Variants in IL1RL2 observed in about 807,000 individuals in gnomAD.
The protein encoded by IL1RL2 is interleukin 1 receptor like 2.
A neutral mutation model predicts 66.8 loss-of-function variants in IL1RL2; 68 were observed. The observed-to-expected ratio is 1.02, with a 90% CI of 0.84 to 1.25. The LOEUF is 1.25. Ranked by LOEUF, IL1RL2 falls within the 50% of genes most tolerant of loss-of-function variation. The probability of loss-of-function intolerance (pLI) is 0.00; values close to 1 mark genes in which losing one functional copy is unlikely to be tolerated. For synonymous variants in IL1RL2, 305 were observed against 264.6 expected, an observed-to-expected ratio of 1.15 and a Z score of -1.48; for missense variants, 729 against 709.3, an observed-to-expected ratio of 1.03 and a Z score of -0.32.
intron 5 of IL1RL2, among the ~76,000 whole-genome samples, chr2:102,206,282 C>G (rs1255906955): frequency 6.6e-6 from 1 of 152,064 alleles, no homozygotes; most frequent in African/African-American, 2.4e-5. Context: ...GTCATGTTTT[C>G]CTGGATGGTG....
At chr2:102,198,308 G>A (rs1037846193) in intron 4 of IL1RL2, among the ~76,000 whole-genome samples, 2 of 152,182 alleles carry the variant, frequency 1.3e-5, no homozygotes, top group African/African-American at 2.4e-5. Flanking sequence ...CCTGGCTTAC[G>A]TCTGGGAGAA....
chr2:102,205,427 C>G (rs932453217), intron 5 of IL1RL2, among the ~76,000 whole-genome samples: 1 of 152,274 alleles, frequency 6.6e-6, no homozygotes, highest in South Asian at 2.1e-4. Flanking sequence ...TTTAACATTT[C>G]TTGTAGGACA....
At position 102,191,958 on chromosome 2, in the gene IL1RL2, CCTAA is replaced by C; in HGVS notation, c.330_333del (p.Thr111PhefsTer11). 1.2e-6 allele frequency: 2 copies of C among 1,612,602 alleles called. No individual in the cohort carries two copies. Among genetic ancestry groups the C allele is most frequent in the Non-Finnish European group, 1.7e-6 (2 of 1,179,340 alleles). On this transcript the variant is annotated frameshift_variant, in exon 4 of 12. Coordinates refer to ENST00000264257, the MANE Select transcript of IL1RL2 (RefSeq NM_003854.4). LOFTEE classifies it high-confidence loss of function. ...ACAGCTGTCATAGAATACATGTAAA[CCTAA>C]CTGTTTTTGAAAAACATTGGTGTGA...
chr2:102,202,767 A>G (rs1688374866), intron 5 of IL1RL2, among the ~76,000 whole-genome samples: 1 of 152,290 alleles, frequency 6.6e-6, no homozygotes, highest in Non-Finnish European at 1.5e-5. Flanking sequence ...TATTAGTTCT[A>G]ATAGTTTTCT....
intron 5 of IL1RL2, among the ~76,000 whole-genome samples, chr2:102,207,710 GGGT>G (rs1006774631): frequency 6.6e-6 from 1 of 152,070 alleles, no homozygotes; most frequent in Non-Finnish European, 1.5e-5. Context: ...TGATAAAGAG[GGGT>G]GATGCCCACA....
chr2:102,186,993 A>G (rs1051404770), upstream of IL1RL2: 10 of 1,288,412 alleles, frequency 7.8e-6, no homozygotes, highest in Admixed American at 1.4e-4. Flanking sequence ...GTGGCGGGGA[A>G]ATACCTAGGC....
At chr2:102,202,003 T>C (rs1688299801) in intron 5 of IL1RL2, among the ~76,000 whole-genome samples, 1 of 152,214 alleles carries the variant, frequency 6.6e-6, no homozygotes, top group Non-Finnish European at 1.5e-5. Flanking sequence ...CTGGGGTACC[T>C]GATGAAACAC....
At chr2:102,215,034 T>C (rs545676198) in intron 6 of IL1RL2, among the ~76,000 whole-genome samples, 15 of 144,506 alleles carry the variant, frequency 1.0e-4, no homozygotes, top group East Asian at 9.7e-4. Context: ...CAAGATTGAC[T>C]TGGAGCCAAG....
rs1687262635 is a variant in IL1RL2, at chr2:102,191,925, G to C, written c.294G>C (p.Lys98Asn). The C allele has an allele frequency of 6.3e-7, 1 of 1,591,930 alleles. No homozygotes were observed. Among genetic ancestry groups the C allele is most frequent in the South Asian group, 1.1e-5 (1 of 88,684 alleles). ...TATGAGGTCTCAATCTGTCTTACAG[G>C]GGTAGAGACAGCTGTCATAGAATAC... ...GDSGVYQCVI[K>N]GRDSCHRIHV... Residue 98 changes from lysine to asparagine, a missense_variant and splice_region_variant, in exon 4 of 12, where the codon AAG (lysine) becomes AAC (asparagine). Transcript: ENST00000264257.
chr2:102,187,999 C>G, intron 2 of IL1RL2, 74 bp downstream of exon 2: 3 of 1,438,686 alleles, frequency 2.1e-6, no homozygotes, highest in Non-Finnish European at 2.0e-6. Context: ...TGGGAGCCCC[C>G]GGGGATCGCG....
At chr2:102,199,206 C>T (rs1688029233) in intron 4 of IL1RL2, among the ~76,000 whole-genome samples, 1 of 152,182 alleles carries the variant, frequency 6.6e-6, no homozygotes, top group Non-Finnish European at 1.5e-5. Context: ...GAAATAAAAT[C>T]TAAATGGTCT....
At chr2:102,238,045 C>T (rs1675024818) in intron 11 of IL1RL2, among the ~76,000 whole-genome samples, 1 of 152,128 alleles carries the variant, frequency 6.6e-6, no homozygotes, top group Admixed American at 6.5e-5. Context: ...TAATGATTCA[C>T]AAAGTTTTTT....
At chr2:102,206,612 T>C (rs992094478) in intron 5 of IL1RL2, among the ~76,000 whole-genome samples, 1 of 152,232 alleles carries the variant, frequency 6.6e-6, no homozygotes, top group African/African-American at 2.4e-5. Context: ...CTGAGCCACC[T>C]AAAGCTGATG....
intron 3 of IL1RL2, 99 bp from the exon 4 acceptor site, chr2:102,191,826 G>A (rs1687255228): frequency 1.2e-6 from 1 of 827,566 alleles, no homozygotes. Flanking sequence ...GGTTTGCACA[G>A]TGCTGTGAAA....
chr2:102,194,961 G>A (rs1019012390), intron 4 of IL1RL2, among the ~76,000 whole-genome samples: 10 of 152,006 alleles, frequency 6.6e-5, no homozygotes, highest in Admixed American at 2.0e-4. Context: ...ATTGTAGGCC[G>A]GATGGTCTCT....
intron 5 of IL1RL2, among the ~76,000 whole-genome samples, chr2:102,202,573 T>C (rs1482126453): frequency 9.9e-5 from 15 of 152,092 alleles, no homozygotes; most frequent in Admixed American, 7.9e-4. Flanking sequence ...GGTTAATTCC[T>C]AGGTATTTAA....
chr2:102,219,388 T>C (rs958167792), intron 7 of IL1RL2, among the ~76,000 whole-genome samples: 1 of 152,210 alleles, frequency 6.6e-6, no homozygotes, highest in Non-Finnish European at 1.5e-5. Flanking sequence ...GACACAAATG[T>C]GTATATTGCA....
intron 4 of IL1RL2, among the ~76,000 whole-genome samples, chr2:102,197,541 A>C (rs148089533): frequency 2.6e-5 from 4 of 152,164 alleles, no homozygotes; most frequent in Non-Finnish European, 5.9e-5. Flanking sequence ...AGGCCATAAA[A>C]CTAAAAAGAC....
chr2:102,218,235 A>AT (rs1243175496), intron 6 of IL1RL2, among the ~76,000 whole-genome samples: 2 of 152,188 alleles, frequency 1.3e-5, no homozygotes, highest in Non-Finnish European at 2.9e-5. Context: ...CATTAACTTG[A>AT]TATTTCTATT....
Sources: allele counts gnomAD v4.1 joint callset (sites outside exome capture counted in the v4.1 genomes callset), GRCh38; gene constraint gnomAD v4.1.1; transcripts MANE v1.5; gene names NCBI Gene and HGNC (gene_info 2026-07-23, HGNC 2026-07-21).